Variants in HESX1 observed in about 807,000 individuals in gnomAD.
The protein encoded by HESX1 is HESX homeobox 1, also known as homeobox expressed in ES cells 1.
In HESX1, 11 loss-of-function variants were observed where a neutral mutation model predicts 22.5. That is an observed-to-expected ratio of 0.49 (90% CI 0.31 to 0.81). The LOEUF (loss-of-function observed/expected upper bound fraction) is 0.81. Among genes scored for constraint, HESX1 ranks in the 30% least tolerant of loss-of-function variants. The probability of loss-of-function intolerance (pLI) is 0.05; values close to 1 mark genes in which losing one functional copy is unlikely to be tolerated. For synonymous variants in HESX1, 74 were observed against 76.5 expected (o/e 0.97, Z 0.17); for missense variants, 201 against 212.6 (o/e 0.95, Z 0.34).
intron 1 of HESX1, among the ~76,000 whole-genome samples, chr3:57,213,809 T>A (rs369780141): frequency 2.7e-5 from 4 of 149,342 alleles, no homozygotes; most frequent in East Asian, 3.9e-4. Flanking sequence ...TAATCCCAGG[T>A]ACTAGGGAGG....
chr3:57,212,388 G>A (rs1279280119), intron 1 of HESX1, among the ~76,000 whole-genome samples: 9 of 151,738 alleles, frequency 5.9e-5, no homozygotes, highest in African/African-American at 2.2e-4. Context: ...GTGAAACCCC[G>A]TCTCTACTAA....
intron 1 of HESX1, among the ~76,000 whole-genome samples, chr3:57,223,853 T>G (rs1455337582): frequency 6.6e-6 from 1 of 152,182 alleles, no homozygotes; most frequent in Non-Finnish European, 1.5e-5. Flanking sequence ...TTTCCCAGAA[T>G]TTTAGATTGA....
intron 1 of HESX1, among the ~76,000 whole-genome samples, chr3:57,222,272 A>AT (rs2060619793): frequency 6.6e-6 from 1 of 152,010 alleles, no homozygotes; most frequent in African/African-American, 2.4e-5. Flanking sequence ...CCCTAAAAGC[A>AT]TTTTTTTGAG....
chr3:57,200,091 C>T (rs1352495778), upstream of HESX1: 2 of 632,662 alleles, frequency 3.2e-6, no homozygotes, highest in Admixed American at 5.1e-5. Flanking sequence ...TCAATGAACA[C>T]TTGCCCAGCC....
intron 1 of HESX1, among the ~76,000 whole-genome samples, chr3:57,225,376 G>A (rs2060635953): frequency 6.6e-6 from 1 of 152,150 alleles, no homozygotes; most frequent in Admixed American, 6.5e-5. Flanking sequence ...TTTTGAGACA[G>A]AGTTTCGCTC....
Position 57,199,828 on chromosome 3 carries a change from G to T in HESX1, c.91C>A (p.Gln31Lys), listed in dbSNP as rs1444881623. The change falls in exon 1 of 4, where the codon CAG (glutamine) becomes AAG (lysine). Residue 31 changes from glutamine (Q) to lysine (K), a missense_variant. By Grantham distance (53) the Gln-to-Lys change is moderately conservative (BLOSUM62 1). Coordinates refer to ENST00000295934, the MANE Select transcript of HESX1 (RefSeq NM_003865.3). ...FSIERILGLDQKKDCVPLMKP... is the reference protein window; with the variant it reads ...FSIERILGLDKKKDCVPLMKP... ...ATTAATGGAACACAGTCTTTCTTCTGGTCCAGTCCTAAGATTCTCTCAATT... is the reference window on the plus strand; with the variant it reads ...ATTAATGGAACACAGTCTTTCTTCTTGTCCAGTCCTAAGATTCTCTCAATT... 4.3e-6 allele frequency: 7 copies of T among 1,613,948 alleles called. No individual in the cohort carries two copies. The highest frequency in any genetic ancestry group is 5.9e-6 in the Non-Finnish European group (7 of 1,179,920).
intron 1 of HESX1, among the ~76,000 whole-genome samples, chr3:57,208,224 T>A: frequency 6.6e-6 from 1 of 152,194 alleles, no homozygotes; most frequent in East Asian, 1.9e-4. Flanking sequence ...TACTCATTGA[T>A]TGGTACTCTA....
upstream of HESX1, among the ~76,000 whole-genome samples, chr3:57,204,951 A>C (rs1253604730): frequency 6.6e-6 from 1 of 152,192 alleles, no homozygotes; most frequent in African/African-American, 2.4e-5. Flanking sequence ...TGGAGATACA[A>C]GAATACAGTC....
At chr3:57,200,224 T>C (rs1178798956), upstream of HESX1, among the ~76,000 whole-genome samples, 1 of 152,236 alleles carries the variant, frequency 6.6e-6, no homozygotes, top group Non-Finnish European at 1.5e-5. Context: ...AGACTTAACT[T>C]TCTCTAAAGA....
At chr3:57,227,055 G>T (rs577912157), upstream of HESX1, among the ~76,000 whole-genome samples, 1 of 152,310 alleles carries the variant, frequency 6.6e-6, no homozygotes, top group East Asian at 1.9e-4. Context: ...AGTGTATCCT[G>T]ATTTTTAAAA....
chr3:57,225,972 C>T (rs1020609970), intron 1 of HESX1, among the ~76,000 whole-genome samples: 1 of 151,440 alleles, frequency 6.6e-6, no homozygotes, highest in Non-Finnish European at 1.5e-5. Flanking sequence ...CTGGGCCTCC[C>T]GGCTTCAACT....
chr3:57,220,844 T>G (rs949807472), intron 1 of HESX1, among the ~76,000 whole-genome samples: 11 of 152,156 alleles, frequency 7.2e-5, no homozygotes, highest in African/African-American at 2.4e-4. Flanking sequence ...AGAGCCAAAG[T>G]CCTCATAGTG....
intron 1 of HESX1, among the ~76,000 whole-genome samples, chr3:57,225,577 T>C (rs1251624826): frequency 6.6e-6 from 1 of 151,960 alleles, no homozygotes; most frequent in East Asian, 1.9e-4. Flanking sequence ...TCTTGACCTC[T>C]TGATCCGCCT....
intron 1 of HESX1, among the ~76,000 whole-genome samples, chr3:57,217,730 C>T (rs1043365693): frequency 6.6e-6 from 1 of 152,154 alleles, no homozygotes; most frequent in African/African-American, 2.4e-5. Context: ...AAATCCTGCA[C>T]CAAACTCCCA....
chr3:57,222,450 G>A (rs570215117), intron 1 of HESX1, among the ~76,000 whole-genome samples: 2 of 152,038 alleles, frequency 1.3e-5, no homozygotes, highest in South Asian at 2.1e-4. Flanking sequence ...GTAGAGACAC[G>A]GTCTCACTAT....
chr3:57,200,555 A>G (rs2107566782), upstream of HESX1, among the ~76,000 whole-genome samples: 1 of 152,360 alleles, frequency 6.6e-6, no homozygotes, highest in Admixed American at 6.5e-5. Context: ...TGGCAATGTT[A>G]TTAACATGGA....
chr3:57,201,878 T>C (rs1400593976), upstream of HESX1, among the ~76,000 whole-genome samples: 1 of 69,536 alleles, frequency 1.4e-5, no homozygotes, highest in Non-Finnish European at 3.1e-5. Flanking sequence ...TCTATCTATA[T>C]CTATCTATCT....
chr3:57,198,497 GA>G lies in HESX1; in HGVS notation c.358-6del, dbSNP rs750212656. 8.4e-5 allele frequency: 126 copies of G among 1,491,654 alleles called. No individual in the cohort carries two copies. The highest frequency in any genetic ancestry group is 2.0e-4 in the Middle Eastern group (1 of 5,036). The allele number at this position is 1,491,654 out of a possible 1,614,324, so 92.4% of individuals were successfully genotyped here. A position where few individuals can be genotyped will look rare whatever the true frequency, so the allele number is the denominator to read the frequency against. On this transcript the variant is annotated splice_region_variant and splice_polypyrimidine_tract_variant and intron_variant, in intron 2 of 3. Coordinates refer to ENST00000295934, the MANE Select transcript of HESX1 (RefSeq NM_003865.3). ...GACATTTTCTAACACTTCAATCTAA[GA>G]AAAAAAAATGTTGATATTCAGTATG...
At chr3:57,207,536 G>A (rs944948841) in intron 1 of HESX1, among the ~76,000 whole-genome samples, 4 of 152,322 alleles carry the variant, frequency 2.6e-5, no homozygotes, top group Non-Finnish European at 5.9e-5. Flanking sequence ...TTCCATATCA[G>A]TACTGGACTA....
Sources: gnomAD v4.1 joint callset for allele counts (sites outside exome capture counted in the v4.1 genomes callset) on GRCh38, gnomAD v4.1.1 for gene constraint, MANE v1.5 for transcripts, NCBI Gene and HGNC (gene_info 2026-07-23, HGNC 2026-07-21) for gene names.